QTMAN: variants seen among roughly 807,000 people sequenced by gnomAD.
QTMAN encodes the protein queuosine-tRNA mannosyltransferase.
At chr2:143,957,634 C>T in the QTMAN span, among the ~76,000 whole-genome samples, 5 of 151,698 alleles carry the variant, frequency 3.3e-5, no homozygotes, top group Admixed American at 2.0e-4. Context: ...CTGTAAAGTT[C>T]GTTAGATGAA....
At chr2:144,174,729 AAC>A in the QTMAN span, among the ~76,000 whole-genome samples, 2 of 152,158 alleles carry the variant, frequency 1.3e-5, no homozygotes, top group Non-Finnish European at 1.5e-5. Context: ...GCAGTTCCCT[AAC>A]ACACACTCTC....
chr2:144,108,282 G>A, the QTMAN span, among the ~76,000 whole-genome samples: 7,092 of 152,184 alleles, frequency 0.047, 549 homozygotes, highest in African/African-American at 0.16. Context: ...AAGAAATAAA[G>A]GGTATTCAAT....
chr2:144,255,825 G>A, the QTMAN span, among the ~76,000 whole-genome samples: 2 of 152,260 alleles, frequency 1.3e-5, no homozygotes, highest in Admixed American at 6.5e-5. Context: ...GTAACACAAA[G>A]AGCAAAACTG....
chr2:144,247,217 T>G, the QTMAN span, among the ~76,000 whole-genome samples: 1 of 152,162 alleles, frequency 6.6e-6, no homozygotes, highest in Non-Finnish European at 1.5e-5. Flanking sequence ...GCTGGAAGAA[T>G]GTCTTCAAGA....
the QTMAN span, among the ~76,000 whole-genome samples, chr2:144,140,513 CA>C: frequency 6.6e-6 from 1 of 152,006 alleles, no homozygotes; most frequent in African/African-American, 2.4e-5. Context: ...ATAACTATCA[CA>C]TTTTTCAAAA....
the QTMAN span, among the ~76,000 whole-genome samples, chr2:144,027,237 T>C: frequency 6.6e-6 from 1 of 152,194 alleles, no homozygotes; most frequent in Non-Finnish European, 1.5e-5. Flanking sequence ...AAGCAAAAGA[T>C]ATAAGGGCCT....
chr2:144,082,471 G>C, the QTMAN span, among the ~76,000 whole-genome samples: 2 of 151,842 alleles, frequency 1.3e-5, no homozygotes, highest in Non-Finnish European at 2.9e-5. Context: ...GGGGGAAGGG[G>C]GTGTATACCA....
the QTMAN span, among the ~76,000 whole-genome samples, chr2:144,273,851 T>C: frequency 3.2e-3 from 490 of 152,242 alleles, no homozygotes; most frequent in Non-Finnish European, 4.9e-3. Flanking sequence ...ATAAGAAATA[T>C]ATGGCCGGGC....
chr2:144,140,889 T>C, the QTMAN span, among the ~76,000 whole-genome samples: 4 of 152,024 alleles, frequency 2.6e-5, no homozygotes, highest in Non-Finnish European at 4.4e-5. Flanking sequence ...TGATTTTGTA[T>C]GGGGCAGATT....
At chr2:144,071,735 A>T in the QTMAN span, among the ~76,000 whole-genome samples, 44 of 152,188 alleles carry the variant, frequency 2.9e-4, no homozygotes, top group Admixed American at 7.2e-4. Flanking sequence ...CCTATGTCAA[A>T]TTCTATACTC....
the QTMAN span, chr2:144,145,676 C>G: frequency 6.2e-7 from 1 of 1,611,746 alleles, no homozygotes; most frequent in South Asian, 1.1e-5. Context: ...TTTTCAGTTT[C>G]CCAAGGTCAG....
the QTMAN span, among the ~76,000 whole-genome samples, chr2:144,067,814 T>A: frequency 6.6e-6 from 1 of 152,338 alleles, no homozygotes; most frequent in East Asian, 1.9e-4. Context: ...AGAAAGCACA[T>A]GCCACACGTT....
the QTMAN span, among the ~76,000 whole-genome samples, chr2:143,984,389 G>A: frequency 6.6e-6 from 1 of 152,196 alleles, no homozygotes; most frequent in South Asian, 2.1e-4. Context: ...TTCAGAGAAG[G>A]TCAGCAGATG....
the QTMAN span, among the ~76,000 whole-genome samples, chr2:144,166,555 C>CAT: frequency 6.6e-6 from 1 of 152,242 alleles, no homozygotes; most frequent in African/African-American, 2.4e-5. Context: ...CACACATACA[C>CAT]ATATATATAT....
At chr2:144,185,336 C>T in the QTMAN span, among the ~76,000 whole-genome samples, 1,756 of 152,216 alleles carry the variant, frequency 0.012, 31 homozygotes, top group African/African-American at 0.04. Flanking sequence ...ATCTGTTCTC[C>T]TATGTTTCAC....
At chr2:144,318,276 A>G in the QTMAN span, among the ~76,000 whole-genome samples, 1,705 of 151,966 alleles carry the variant, frequency 0.011, 12 homozygotes, top group Non-Finnish European at 0.018. Context: ...GAAAATGGCA[A>G]AGCTTTCCAA....
At chr2:143,997,402 T>G in the QTMAN span, among the ~76,000 whole-genome samples, 7 of 152,164 alleles carry the variant, frequency 4.6e-5, no homozygotes, top group Non-Finnish European at 8.8e-5. Context: ...TTGGAATCAC[T>G]TTTCCAAAGT....
chr2:143,980,737 G>A, the QTMAN span, among the ~76,000 whole-genome samples: 3 of 152,200 alleles, frequency 2.0e-5, no homozygotes, highest in South Asian at 6.2e-4. Flanking sequence ...ATAGTACAAT[G>A]TTTTCACGTC....
At chr2:143,973,920 T>C in the QTMAN span, among the ~76,000 whole-genome samples, 2 of 152,344 alleles carry the variant, frequency 1.3e-5, no homozygotes, top group East Asian at 3.9e-4. Context: ...TTTTGTTTAG[T>C]AAAGAACTCA....
Sources: gnomAD v4.1 joint callset for allele counts (sites outside exome capture counted in the v4.1 genomes callset) on GRCh38, gnomAD v4.1.1 for gene constraint, MANE v1.5 for transcripts, NCBI Gene and HGNC (gene_info 2026-07-23, HGNC 2026-07-21) for gene names.